The following KIAA1217 variants were observed in gnomAD, a reference collection of about 807,000 sequenced individuals.
The protein encoded by KIAA1217 is sickle tail protein homolog.
KIAA1217 carries 88 observed loss-of-function variants against 163.9 expected under a neutral mutation model. The observed-to-expected ratio is 0.54, with a 90% CI of 0.45 to 0.64. The LOEUF is 0.64. Among genes scored for constraint, KIAA1217 ranks in the 30% least tolerant of loss-of-function variants. The pLI is 0.00. For synonymous variants in KIAA1217, 903 were observed against 923.1 expected (o/e 0.98, Z 0.39); for missense variants, 2,372 against 2,475.0 (o/e 0.96, Z 0.88).
At chr10:23,883,975 T>A (rs1841064016) in intron 1 of KIAA1217, among the ~76,000 whole-genome samples, 1 of 152,022 alleles carries the variant, frequency 6.6e-6, no homozygotes, top group South Asian at 2.1e-4. Flanking sequence ...AATATCCTAT[T>A]GTCTGGATGT....
Position 24,338,380 on chromosome 10 carries a change from C to T in KIAA1217, c.355-42489C>T, listed in dbSNP as rs567841082. 2.6e-5 allele frequency among the ~76,000 whole-genome samples: 4 copies of T among 152,266 alleles called. No homozygotes were observed. In the East Asian group the frequency reaches 5.8e-4, roughly 22 times the overall value. ...CTTAAGCAATCTTCTTAGCCCTAGA[C>T]CCCCAGTCCTGAAGGTTGATATGCA... is the stretch of plus-strand genomic sequence containing the variant. On this transcript the variant is annotated intron_variant, in intron 2 of 20. Coordinates refer to ENST00000376454, the MANE Select transcript of KIAA1217 (RefSeq NM_019590.5).
intron 2 of KIAA1217, among the ~76,000 whole-genome samples, chr10:24,238,598 C>T (rs947736098): frequency 5.9e-5 from 9 of 151,928 alleles, no homozygotes; most frequent in African/African-American, 2.2e-4. Flanking sequence ...CCATAGAAGC[C>T]GAGGGGAAAT....
At chr10:24,241,912 G>C (rs980611714) in intron 2 of KIAA1217, among the ~76,000 whole-genome samples, 1 of 152,066 alleles carries the variant, frequency 6.6e-6, no homozygotes, top group Admixed American at 6.6e-5. Context: ...ATGAAGTATT[G>C]AGTAGGCTCA....
intron 1 of KIAA1217, among the ~76,000 whole-genome samples, chr10:23,836,770 A>T (rs944662759): frequency 6.7e-6 from 1 of 149,386 alleles, no homozygotes; most frequent in Non-Finnish European, 1.5e-5. Context: ...CACAAAAAAT[A>T]AAAAAAAAAA....
chr10:24,470,026 C>T (rs2063332436), intron 5 of KIAA1217, among the ~76,000 whole-genome samples: 1 of 152,108 alleles, frequency 6.6e-6, no homozygotes, highest in Non-Finnish European at 1.5e-5. Flanking sequence ...TAAACAGTGG[C>T]ATATTTGAGT....
At chr10:24,429,738 A>G (rs1477368871) in intron 3 of KIAA1217, among the ~76,000 whole-genome samples, 1 of 152,008 alleles carries the variant, frequency 6.6e-6, no homozygotes, top group South Asian at 2.1e-4. Context: ...ACATCTTGGG[A>G]GTCAGTTAAT....
intron 1 of KIAA1217, among the ~76,000 whole-genome samples, chr10:23,784,251 C>T (rs190429499): frequency 1.5e-3 from 230 of 152,088 alleles, no homozygotes; most frequent in Non-Finnish European, 2.6e-3. Flanking sequence ...TAAATATAGC[C>T]ACCAGTATTC....
chr10:24,053,576 G>T (rs1207623520), intron 2 of KIAA1217, among the ~76,000 whole-genome samples: 2 of 151,970 alleles, frequency 1.3e-5, no homozygotes, highest in Admixed American at 6.6e-5. Flanking sequence ...CTGTTGATTA[G>T]GTTGTTTTCT....
intron 11 of KIAA1217, among the ~76,000 whole-genome samples, chr10:24,521,095 A>T (rs1476618221): frequency 8.6e-6 from 1 of 115,896 alleles, no homozygotes; most frequent in Non-Finnish European, 1.7e-5. Flanking sequence ...CCACTTTGGG[A>T]GGCTGAGGCG....
At chr10:23,729,135 C>T (rs1297524103) in intron 1 of KIAA1217, among the ~76,000 whole-genome samples, 2 of 152,216 alleles carry the variant, frequency 1.3e-5, no homozygotes, top group African/African-American at 4.8e-5. Context: ...TAGCTCATTT[C>T]TTTTTAGTGG....
intron 1 of KIAA1217, among the ~76,000 whole-genome samples, chr10:23,914,001 AAC>A (rs1842544423): frequency 6.6e-6 from 1 of 152,132 alleles, no homozygotes; most frequent in African/African-American, 2.4e-5. Context: ...GTGTTGCAGA[AAC>A]ACAGAGGCAT....
intron 2 of KIAA1217, among the ~76,000 whole-genome samples, chr10:24,278,485 G>C (rs1659574007): frequency 6.6e-6 from 1 of 152,226 alleles, no homozygotes; most frequent in Non-Finnish European, 1.5e-5. Context: ...GTGTGGATAA[G>C]GGATAATCTA....
intron 1 of KIAA1217, among the ~76,000 whole-genome samples, chr10:23,973,592 A>G (rs1845411711): frequency 6.6e-6 from 1 of 152,254 alleles, no homozygotes; most frequent in Admixed American, 6.5e-5. Context: ...TGCAGATAAA[A>G]GACATTATTT....
chr10:24,482,584 G>C (rs2064855587), intron 6 of KIAA1217: 3 of 152,172 alleles, frequency 2.0e-5, no homozygotes, highest in African/African-American at 7.2e-5. Context: ...TGATTTACTT[G>C]TCCTTCTGTC....
chr10:24,129,255 C>A (rs2063569786), intron 2 of KIAA1217, among the ~76,000 whole-genome samples: 1 of 145,418 alleles, frequency 6.9e-6, no homozygotes, highest in East Asian at 2.3e-4. Flanking sequence ...TAGAGGAGAG[C>A]CAGGATGAAA....
chr10:23,806,973 A>G (rs978512603), intron 1 of KIAA1217, among the ~76,000 whole-genome samples: 2 of 152,206 alleles, frequency 1.3e-5, no homozygotes, highest in East Asian at 3.9e-4. Context: ...AGAGTGAACT[A>G]TATTTCCTTG....
intron 1 of KIAA1217, among the ~76,000 whole-genome samples, chr10:23,960,702 C>T (rs1237014671): frequency 6.6e-6 from 1 of 152,154 alleles, no homozygotes; most frequent in East Asian, 1.9e-4. Flanking sequence ...CCTAGATAGC[C>T]AGGGCCAATA....
Position 24,513,276 on chromosome 10 carries a change from G to A in KIAA1217, c.2019G>A (p.Leu673=). Residue 673 remains leucine, a synonymous_variant, in exon 10 of 21, where the codon TTG becomes TTA. Coordinates refer to ENST00000376454, the MANE Select transcript of KIAA1217 (RefSeq NM_019590.5). ...MRQLQLQNQE[L]LRAMMKKAEL... ...GTTCACAGCTGCAGAACCAGGAGTT[G>A]CTGAGGGCAATGATGAAGAAGGCCG... 3 of 1,614,098 alleles carry A rather than the reference G, an allele frequency of 1.9e-6. No homozygotes were observed. The South Asian group carries it at 3.3e-5, about 18-fold the overall frequency.
At chr10:24,306,690 T>A (rs2042038744) in intron 2 of KIAA1217, among the ~76,000 whole-genome samples, 1 of 152,214 alleles carries the variant, frequency 6.6e-6, no homozygotes, top group Non-Finnish European at 1.5e-5. Flanking sequence ...CAGCAGCATC[T>A]TCCAAGTGAT....
Sources: allele counts gnomAD v4.1 joint callset (sites outside exome capture counted in the v4.1 genomes callset), GRCh38; gene constraint gnomAD v4.1.1; transcripts MANE v1.5; gene names NCBI Gene and HGNC (gene_info 2026-07-23, HGNC 2026-07-21).